Variants in TTC31 observed in about 807,000 individuals in gnomAD.
TTC31 encodes tetratricopeptide repeat protein 31.
A neutral mutation model predicts 60.4 loss-of-function variants in TTC31; 59 were observed. That is an observed-to-expected ratio of 0.98 (90% CI 0.79 to 1.21). The LOEUF (loss-of-function observed/expected upper bound fraction) is 1.21, where lower values mean the gene tolerates loss of function less well. Among genes scored for constraint, TTC31 ranks in the 50% most tolerant of loss-of-function variants. The probability of loss-of-function intolerance (pLI) is 0.00; values close to 1 mark genes in which losing one functional copy is unlikely to be tolerated. For synonymous variants in TTC31, 225 were observed against 249.6 expected, an observed-to-expected ratio of 0.90 and a Z score of 0.93; for missense variants, 672 against 646.9, an observed-to-expected ratio of 1.04 and a Z score of -0.42.
rs1260949950 is a variant in TTC31, at chr2:74,490,022, C to T, written c.130-3C>T. 3.2e-6 allele frequency: 5 copies of T among 1,553,798 alleles called. No individual in the cohort carries two copies. The highest frequency in any genetic ancestry group is 4.4e-6 in the Non-Finnish European group (5 of 1,147,704). On this transcript the variant is annotated splice_region_variant and splice_polypyrimidine_tract_variant and intron_variant, in intron 2 of 12. Coordinates refer to ENST00000233623, the MANE Select transcript of TTC31 (RefSeq NM_022492.6). ...CCTCCCCTCCCCTCCCCTCCCCTCC[C>T]AGGACATAGTGGATTTTCTTCGACG... is the stretch of plus-strand genomic sequence containing the variant.
At position 74,493,107 on chromosome 2, in the gene TTC31, G is replaced by A; in HGVS notation, c.1449G>A (p.Gln483=). The A allele has an allele frequency of 1.9e-6, 3 of 1,614,028 alleles. No homozygotes were observed. Among genetic ancestry groups the A allele is most frequent in the Non-Finnish European group, 2.5e-6 (3 of 1,179,986 alleles). Residue 483 remains glutamine, a synonymous_variant, in exon 13 of 13, where the codon CAG becomes CAA. Coordinates refer to ENST00000233623, the MANE Select transcript of TTC31 (RefSeq NM_022492.6). ...CATGTCACCGAAGCCACCCCAACCAGCCCCTCTCCCAGACTCAGAGTAGAA... is the reference window on the plus strand; with the variant it reads ...CATGTCACCGAAGCCACCCCAACCAACCCCTCTCCCAGACTCAGAGTAGAA... The part of the protein sequence containing the change: ...YPSCHRSHPN[Q]PLSQTQSRRP...
chr2:74,491,360 G>T lies in TTC31; in HGVS notation c.669G>T (p.Gln223His). Residue 223 changes from glutamine (Q) to histidine (H), a missense_variant, in exon 7 of 13, where the codon CAG becomes CAT. Coordinates refer to ENST00000233623, the MANE Select transcript of TTC31 (RefSeq NM_022492.6). ...GCCCTGGAAACCCAGTTCAGGGACA[G>T]TGTGGTGAAGAAGAGGTGAGAGCCC... Reference protein sequence around the residue: ...PSSPGNPVQGQCGEEEDSLDL... With the variant: ...PSSPGNPVQGHCGEEEDSLDL... 1 of 1,614,198 alleles carries T rather than the reference G, an allele frequency of 6.2e-7. No homozygotes were observed. Among genetic ancestry groups the T allele is most frequent in the Non-Finnish European group, 8.5e-7 (1 of 1,180,042 alleles).
At position 74,491,591 on chromosome 2, in the gene TTC31, G is replaced by T. The variant is rs757020048; in HGVS notation, c.795G>T (p.Arg265Ser). 3.1e-6 allele frequency: 5 copies of T among 1,614,240 alleles called. No homozygotes were observed. The highest frequency in any genetic ancestry group is 2.2e-5 in the East Asian group (1 of 44,888). The change falls in exon 8 of 13, where the codon AGG becomes AGT. Residue 265 changes from arginine to serine, a missense_variant. Transcript: ENST00000233623. ...EKGLNQEPQG[R>S]GLALQKMGQE... ...GACTGAACCAGGAGCCCCAAGGCAGGGGTCTGGCCCTCCAGAAGATGGGTC... is the reference window on the plus strand; with the variant it reads ...GACTGAACCAGGAGCCCCAAGGCAGTGGTCTGGCCCTCCAGAAGATGGGTC...
Position 74,493,053 on chromosome 2 carries a change from T to G in TTC31, c.1395T>G (p.Pro465=), listed in dbSNP as rs779550788. 8.7e-6 allele frequency: 14 copies of G among 1,614,142 alleles called. No individual in the cohort carries two copies. In the Admixed American group the frequency reaches 2.3e-4, roughly 27 times the overall value. Residue 465 remains proline (P), a synonymous_variant, in exon 13 of 13, where the codon CCT becomes CCG. Coordinates refer to ENST00000233623, the MANE Select transcript of TTC31 (RefSeq NM_022492.6). ...RCPRSTALRS[P]GLSPLLHYPS... ...CTCGAAGCACTGCTTTGAGGTCCCC[T>G]GGCCTGTCTCCACTCTTGCATTATC...
chr2:74,490,499 C>T (rs1673719562), intron 4 of TTC31, 26 bp downstream of exon 4: 2 of 1,571,828 alleles, frequency 1.3e-6, no homozygotes, highest in Non-Finnish European at 1.7e-6. Flanking sequence ...GAGGGCTTTG[C>T]CGTCCCCCAG....
In TTC31 at chr2:74,486,518, T is replaced by C. The variant is rs1407580710; in HGVS notation, c.129+3108T>C. Among the ~76,000 whole-genome samples, 22 of 152,304 alleles carry C rather than the reference T, an allele frequency of 1.4e-4. 2 individuals carry two copies. The highest frequency in any genetic ancestry group is 5.1e-4 in the African/African-American group (21 of 41,562). ...GACCAAATAAATAAACAACATAGTA[T>C]GTCAAACATGAGAAGTACAAAGAAA... On this transcript the variant is annotated intron_variant, in intron 2 of 12. Transcript: ENST00000233623.
chr2:74,492,283 G>C (rs779155816), intron 10 of TTC31, 21 bp from the exon 11 acceptor site: 32 of 1,608,514 alleles, frequency 2.0e-5, no homozygotes, highest in Non-Finnish European at 2.6e-5. Flanking sequence ...CAGACCTTTG[G>C]CCACCTTCTG....
Position 74,493,568 on chromosome 2 carries a change from TCAC to T in TTC31, c.*353_*355del. On this transcript the variant is annotated 3_prime_UTR_variant, in exon 13 of 13. Coordinates refer to ENST00000233623, the MANE Select transcript of TTC31 (RefSeq NM_022492.6). ...TTCCTCTTGGTCCAGGGGACCTCAT[TCAC>T]CAACTAGAGCTTGGTGTACAGGAAC... 4.8e-6 allele frequency: 1 copy of T among 206,252 alleles called. No homozygotes were observed. The highest frequency in any genetic ancestry group is 9.8e-6 in the Non-Finnish European group (1 of 102,424). 12.8% of individuals were successfully genotyped at this position (206,252 alleles called of 1,614,324 possible).
At chr2:74,487,998 A>G (rs572999823) in intron 2 of TTC31, among the ~76,000 whole-genome samples, 61 of 152,288 alleles carry the variant, frequency 4.0e-4, no homozygotes, top group Non-Finnish European at 7.5e-4. Flanking sequence ...TTATCGAGAC[A>G]GGGTCTCCCT....
rs1572969167 is a variant in TTC31 at position 74,493,391 on chromosome 2, C to G, written c.*173C>G. On this transcript the variant is annotated 3_prime_UTR_variant, in exon 13 of 13. Coordinates refer to ENST00000233623, the MANE Select transcript of TTC31 (RefSeq NM_022492.6). ...GAAGCTTCTGATGAGAGAAAGGAGC[C>G]CCACATCCACTGAAACATCCTTTGG... 1 of 656,912 alleles carries G rather than the reference C, an allele frequency of 1.5e-6. No homozygotes were observed. The highest frequency in any genetic ancestry group is 2.8e-5 in the East Asian group (1 of 35,196). 40.7% of individuals were successfully genotyped at this position (656,912 alleles called of 1,614,324 possible).
chr2:74,492,836 G>A (rs1674090491), intron 12 of TTC31, 86 bp from the exon 13 acceptor site: 6 of 1,588,218 alleles, frequency 3.8e-6, no homozygotes, highest in Non-Finnish European at 3.4e-6. Flanking sequence ...TGGCTAAGGA[G>A]GGGGCGGGGA....
rs893632429 is a variant in TTC31 at position 74,494,386 on chromosome 2, G to A, written c.*1168G>A. On this transcript the variant is annotated 3_prime_UTR_variant, in exon 13 of 13. Transcript: ENST00000233623. ...GGATGAAGTCTACCATTACCAGCTG[G>A]GTCACCTTGGATGGGTCTGTCAACA... The A allele has an allele frequency of 1.3e-5, 2 of 152,066 alleles. No individual in the cohort carries two copies. Among genetic ancestry groups the A allele is most frequent in the Admixed American group, 1.3e-4 (2 of 15,262 alleles). 9.4% of individuals were successfully genotyped at this position (152,066 alleles called of 1,614,324 possible).
chr2:74,483,208 G>A, intron 1 of TTC31, 73 bp downstream of exon 1: 1 of 1,613,752 alleles, frequency 6.2e-7, no homozygotes, highest in Non-Finnish European at 8.5e-7. Context: ...CCTGTGGTCT[G>A]AACGTTTCGA....
At chr2:74,483,282 C>G (rs767224931) in intron 1 of TTC31, 40 bp from the exon 2 acceptor site, 37 of 1,613,392 alleles carry the variant, frequency 2.3e-5, no homozygotes, top group Non-Finnish European at 3.4e-6. Context: ...GCCCATCTGT[C>G]CCGAGCCCGC....
chr2:74,491,376 G>A lies in TTC31; in HGVS notation c.684+1G>A. The A allele has an allele frequency of 2.5e-6, 4 of 1,614,170 alleles. No individual in the cohort carries two copies. In the South Asian group the frequency reaches 4.4e-5, roughly 18 times the overall value. ...TCAGGGACAGTGTGGTGAAGAAGAGGTGAGAGCCCCTTTTTTCCCTTCTTG... is the reference window on the plus strand; with the variant it reads ...TCAGGGACAGTGTGGTGAAGAAGAGATGAGAGCCCCTTTTTTCCCTTCTTG... On this transcript the variant is annotated splice_donor_variant, in intron 7 of 12. Coordinates refer to ENST00000233623, the MANE Select transcript of TTC31 (RefSeq NM_022492.6). LOFTEE classifies it high-confidence loss of function.
At position 74,494,302 on chromosome 2, in the gene TTC31, G is replaced by A. The variant is rs901211912; in HGVS notation, c.*1084G>A. 6.6e-6 allele frequency: 1 copy of A among 152,160 alleles called. No individual in the cohort carries two copies. Among genetic ancestry groups the A allele is most frequent in the African/African-American group, 2.4e-5 (1 of 41,418 alleles). 9.4% of individuals were successfully genotyped at this position (152,160 alleles called of 1,614,324 possible). On this transcript the variant is annotated 3_prime_UTR_variant, in exon 13 of 13. Coordinates refer to ENST00000233623, the MANE Select transcript of TTC31 (RefSeq NM_022492.6). ...GTATTGAAACATCTCCTTTATGTGT[G>A]ACTTTCCCAAATTTTTAAAAATTGT... is the stretch of plus-strand genomic sequence containing the variant.
chr2:74,492,014 G>T lies in TTC31; in HGVS notation c.887G>T (p.Gly296Val), dbSNP rs1235354109. 1.2e-6 allele frequency: 2 copies of T among 1,614,224 alleles called. No homozygotes were observed. Among genetic ancestry groups the T allele is most frequent in the Non-Finnish European group, 8.5e-7 (1 of 1,180,032 alleles). Residue 296 changes from glycine to valine, a missense_variant, in exon 9 of 13, where the codon GGA (glycine) becomes GTA (valine). Coordinates refer to ENST00000233623, the MANE Select transcript of TTC31 (RefSeq NM_022492.6). ...GCACCCTATCCCCAGGCATCTCCGG[G>T]ACTGCTGGCAGCTGCCTTACAACAG... Reference protein sequence around the residue: ...QQSPKVQASPGLLAAALQQSQ... With the variant: ...QQSPKVQASPVLLAAALQQSQ...
In TTC31 at chr2:74,493,190, G is replaced by A; in HGVS notation, c.1532G>A (p.Gly511Glu). Residue 511 changes from glycine (G) to glutamate (E), a missense_variant, in exon 13 of 13, where the codon GGG becomes GAG. Physicochemically the swap from Gly to Glu is moderately conservative, Grantham distance 98. Coordinates refer to ENST00000233623, the MANE Select transcript of TTC31 (RefSeq NM_022492.6). ...AAGGGCTGGGACATCCTGGGACTTGGGCTCCAGCATCTGTCTCAGGCCAGA... is the reference window on the plus strand; with the variant it reads ...AAGGGCTGGGACATCCTGGGACTTGAGCTCCAGCATCTGTCTCAGGCCAGA... The part of the protein sequence containing the change: ...PSKGWDILGL[G>E]LQHLSQAR 1.2e-6 allele frequency: 2 copies of A among 1,614,152 alleles called. No homozygotes were observed. The highest frequency in any genetic ancestry group is 1.7e-6 in the Non-Finnish European group (2 of 1,180,008).
rs1558583627 is a variant in TTC31 at position 74,490,357 on chromosome 2, C to A, written c.346C>A (p.Pro116Thr). 2 of 1,614,058 alleles carry A rather than the reference C, an allele frequency of 1.2e-6. No homozygotes were observed. Among genetic ancestry groups the A allele is most frequent in the Non-Finnish European group, 1.7e-6 (2 of 1,179,988 alleles). The stretch of plus-strand genomic sequence containing the variant: ...TGGTCTCCGCAAGTCCTTCCTGTAT[C>A]CTCCCCAAGAGTCTGAGCCCTGCCC... ...YCGLRKSFLYPPQESEPCPQS... is the reference protein window; with the variant it reads ...YCGLRKSFLYTPQESEPCPQS... Residue 116 changes from proline to threonine, a missense_variant, in exon 4 of 13, where the codon CCT becomes ACT. Transcript: ENST00000233623.
Sources: gnomAD v4.1 joint callset for allele counts (sites outside exome capture counted in the v4.1 genomes callset) on GRCh38, gnomAD v4.1.1 for gene constraint, MANE v1.5 for transcripts, NCBI Gene and HGNC (gene_info 2026-07-23, HGNC 2026-07-21) for gene names.